LINGO2: variants seen among roughly 807,000 people sequenced by gnomAD.
The protein encoded by LINGO2 is leucine-rich repeat and immunoglobulin-like domain-containing nogo receptor-interacting protein 2.
LINGO2 carries 14 observed loss-of-function variants against 30.6 expected under a neutral mutation model. That is an observed-to-expected ratio of 0.46 (90% CI 0.30 to 0.72). The LOEUF is 0.72. LINGO2 is among the 30% of genes least tolerant of loss of function. LINGO2 has a pLI of 0.07. For synonymous variants in LINGO2, 317 were observed against 288.5 expected, an observed-to-expected ratio of 1.10 and a Z score of -1.00; for missense variants, 729 against 751.7, an observed-to-expected ratio of 0.97 and a Z score of 0.35.
At chr9:29,149,593 G>A in the LINGO2 span, among the ~76,000 whole-genome samples, 4 of 151,992 alleles carry the variant, frequency 2.6e-5, no homozygotes, top group South Asian at 8.3e-4. Flanking sequence ...CCCCTGAACA[G>A]CTCCTAGGGA....
chr9:28,033,672 T>C (rs567850573), intron 4 of LINGO2, among the ~76,000 whole-genome samples: 2 of 152,320 alleles, frequency 1.3e-5, no homozygotes, highest in South Asian at 4.1e-4. Flanking sequence ...CTTCAAAATT[T>C]TTTGCAGTGT....
the LINGO2 span, among the ~76,000 whole-genome samples, chr9:28,961,197 C>G: frequency 1.3e-5 from 2 of 152,136 alleles, no homozygotes; most frequent in East Asian, 3.9e-4. Context: ...CTATCGCCGG[C>G]AAGAGTCTGA....
the LINGO2 span, among the ~76,000 whole-genome samples, chr9:28,915,822 G>A: frequency 6.6e-6 from 1 of 152,092 alleles, no homozygotes; most frequent in African/African-American, 2.4e-5. Context: ...TAGCAGAGGA[G>A]ACAGAATAAA....
At chr9:27,961,685 G>A (rs768734057) in intron 5 of LINGO2, among the ~76,000 whole-genome samples, 1 of 152,082 alleles carries the variant, frequency 6.6e-6, no homozygotes, top group Non-Finnish European at 1.5e-5. Flanking sequence ...ATTCCAACAC[G>A]AAAAATAGAC....
chr9:28,605,067 A>G (rs772269741), intron 1 of LINGO2, among the ~76,000 whole-genome samples: 20 of 152,072 alleles, frequency 1.3e-4, no homozygotes, highest in Non-Finnish European at 2.4e-4. Context: ...TGTACTCTAC[A>G]GTATGATTAC....
At chr9:29,185,598 T>C in the LINGO2 span, among the ~76,000 whole-genome samples, 2 of 152,212 alleles carry the variant, frequency 1.3e-5, no homozygotes, top group African/African-American at 4.8e-5. Flanking sequence ...AAAGGTCATT[T>C]GTATAATCTC....
the LINGO2 span, among the ~76,000 whole-genome samples, chr9:28,689,932 G>A: frequency 1.3e-5 from 2 of 152,068 alleles, no homozygotes; most frequent in Non-Finnish European, 2.9e-5. Context: ...ATCCATAGAT[G>A]GAATTGGAAG....
chr9:28,792,519 T>C, the LINGO2 span, among the ~76,000 whole-genome samples: 1 of 152,048 alleles, frequency 6.6e-6, no homozygotes, highest in African/African-American at 2.4e-5. Context: ...AGAATGAAGA[T>C]AAAGAAAAAA....
At chr9:28,877,429 T>C in the LINGO2 span, among the ~76,000 whole-genome samples, 4 of 152,150 alleles carry the variant, frequency 2.6e-5, no homozygotes, top group African/African-American at 9.7e-5. Flanking sequence ...AATTTTTGTA[T>C]AAGGTGTCAG....
the LINGO2 span, among the ~76,000 whole-genome samples, chr9:29,083,423 G>C: frequency 6.6e-6 from 1 of 152,094 alleles, no homozygotes; most frequent in Admixed American, 6.6e-5. Context: ...TCACACACTG[G>C]GGCCTGTTGT....
At chr9:28,841,216 A>G in the LINGO2 span, among the ~76,000 whole-genome samples, 1 of 151,784 alleles carries the variant, frequency 6.6e-6, no homozygotes, top group African/African-American at 2.4e-5. Context: ...GCTGACTCAT[A>G]TGTATATGTA....
intron 4 of LINGO2, among the ~76,000 whole-genome samples, chr9:28,141,046 C>A (rs1406633506): frequency 6.6e-6 from 1 of 151,932 alleles, no homozygotes; most frequent in Non-Finnish European, 1.5e-5. Flanking sequence ...CAGTGATGTT[C>A]AAATTAACAT....
At chr9:29,129,703 T>TTTAAAAGGGGGTTATTTATGAAAC in the LINGO2 span, among the ~76,000 whole-genome samples, 1 of 152,076 alleles carries the variant, frequency 6.6e-6, no homozygotes, top group Non-Finnish European at 1.5e-5. Flanking sequence ...AATTATGGAC[T>TTTAAAAGGGGGTTATTTATGAAAC]TTAAAAGGGG....
chr9:28,528,618 G>A (rs1276706506), intron 1 of LINGO2, among the ~76,000 whole-genome samples: 1 of 152,080 alleles, frequency 6.6e-6, no homozygotes, highest in East Asian at 1.9e-4. Context: ...GCATTAAAGG[G>A]AGGTACATGA....
chr9:28,724,263 T>C, the LINGO2 span, among the ~76,000 whole-genome samples: 1 of 152,142 alleles, frequency 6.6e-6, no homozygotes, highest in Non-Finnish European at 1.5e-5. Context: ...TAATTAGTCC[T>C]GTTTACACCC....
chr9:28,884,781 T>G, the LINGO2 span, among the ~76,000 whole-genome samples: 1 of 128,514 alleles, frequency 7.8e-6, no homozygotes, highest in African/African-American at 2.9e-5. Context: ...TATATATATA[T>G]AGTGTGTGTG....
At chr9:28,535,835 G>A (rs1426445613) in intron 1 of LINGO2, among the ~76,000 whole-genome samples, 1 of 152,008 alleles carries the variant, frequency 6.6e-6, no homozygotes, top group African/African-American at 2.4e-5. Context: ...GAAGAAGAAA[G>A]GTTACTGATA....
chr9:27,989,637 T>C (rs915065582), intron 5 of LINGO2, among the ~76,000 whole-genome samples: 2 of 151,990 alleles, frequency 1.3e-5, no homozygotes, highest in African/African-American at 4.8e-5. Flanking sequence ...ATTATGATTA[T>C]GCACAGCTGG....
chr9:28,187,741 G>A (rs1819593625), intron 4 of LINGO2, among the ~76,000 whole-genome samples: 1 of 152,094 alleles, frequency 6.6e-6, no homozygotes, highest in African/African-American at 2.4e-5. Flanking sequence ...TTTGTGTTAG[G>A]CAAATGCATG....
Sources: allele counts gnomAD v4.1 joint callset (sites outside exome capture counted in the v4.1 genomes callset), GRCh38; gene constraint gnomAD v4.1.1; transcripts MANE v1.5; gene names NCBI Gene and HGNC (gene_info 2026-07-23, HGNC 2026-07-21).